The following SDK1 variants were observed in gnomAD, a reference collection of about 807,000 sequenced individuals.
The protein encoded by SDK1 is protein sidekick-1.
Under a neutral mutation model 245.5 loss-of-function variants are expected in SDK1, and 157 were observed. That is an observed-to-expected ratio of 0.64 (90% CI 0.56 to 0.73). The LOEUF is 0.73. Among genes scored for constraint, SDK1 ranks in the 30% least tolerant of loss-of-function variants. SDK1 has a pLI of 0.00. For missense variants in SDK1, 3,583 were observed against 3,002.3 expected, an observed-to-expected ratio of 1.19 and a Z score of -4.52; for synonymous variants, 1,647 against 1,278.5, an observed-to-expected ratio of 1.29 and a Z score of -6.15.
At chr7:3,653,299 CG>C (rs1421921547) in intron 4 of SDK1, among the ~76,000 whole-genome samples, 1 of 152,174 alleles carries the variant, frequency 6.6e-6, no homozygotes, top group African/African-American at 2.4e-5. Flanking sequence ...CCAGGGTCCA[CG>C]TGTAAGCTGT....
At chr7:3,415,663 G>T (rs533182023) in intron 1 of SDK1, among the ~76,000 whole-genome samples, 141 of 150,962 alleles carry the variant, frequency 9.3e-4, no homozygotes, top group Admixed American at 2.2e-3. Context: ...CCCTACTTCT[G>T]AGCTGCAAAC....
At chr7:4,186,513 C>G (rs117545003) in intron 35 of SDK1, among the ~76,000 whole-genome samples, 2 of 152,210 alleles carry the variant, frequency 1.3e-5, no homozygotes, top group Admixed American at 6.5e-5. Context: ...GTGGTTCCCT[C>G]GACCCTTAGC....
intron 4 of SDK1, among the ~76,000 whole-genome samples, chr7:3,687,814 TGTC>T (rs1784334723): frequency 1.3e-5 from 2 of 152,236 alleles, no homozygotes; most frequent in East Asian, 1.9e-4. Context: ...ACTGTGTTAA[TGTC>T]GTATCCTGCT....
intron 14 of SDK1, among the ~76,000 whole-genome samples, chr7:4,006,810 C>T (rs1785517495): frequency 6.6e-6 from 1 of 152,210 alleles, no homozygotes; most frequent in Non-Finnish European, 1.5e-5. Context: ...AACCAGGCAG[C>T]AGACTCTGAA....
At chr7:4,175,497 A>G (rs1180900223) in intron 33 of SDK1, among the ~76,000 whole-genome samples, 1 of 152,216 alleles carries the variant, frequency 6.6e-6, no homozygotes, top group African/African-American at 2.4e-5. Flanking sequence ...AAGTTGTGCC[A>G]AAAACTAGCA....
intron 17 of SDK1, among the ~76,000 whole-genome samples, chr7:4,045,639 C>T (rs4266542): frequency 6.6e-6 from 1 of 152,018 alleles, no homozygotes. Flanking sequence ...TGTTTAACTT[C>T]GTAAGAAAGC....
intron 4 of SDK1, among the ~76,000 whole-genome samples, chr7:3,669,225 G>C (rs375705073): frequency 6.6e-6 from 1 of 152,174 alleles, no homozygotes; most frequent in Non-Finnish European, 1.5e-5. Context: ...CAAATTATAA[G>C]AGCATGGAAA....
At chr7:3,972,164 C>G (rs763108041) in intron 12 of SDK1, among the ~76,000 whole-genome samples, 4 of 151,198 alleles carry the variant, frequency 2.6e-5, no homozygotes, top group Non-Finnish European at 4.4e-5. Context: ...ACTGCAAGCT[C>G]CACCTCCCGG....
chr7:3,677,386 A>G (rs900879898), intron 4 of SDK1, among the ~76,000 whole-genome samples: 1 of 152,234 alleles, frequency 6.6e-6, no homozygotes, highest in Admixed American at 6.5e-5. Flanking sequence ...TAATGGACTC[A>G]CAGTTCCACA....
chr7:4,080,050 A>C (rs1780955493), intron 22 of SDK1, among the ~76,000 whole-genome samples: 1 of 152,140 alleles, frequency 6.6e-6, no homozygotes, highest in Non-Finnish European at 1.5e-5. Flanking sequence ...AAGCTGGCTG[A>C]GTTTCTGCTG....
chr7:4,000,254 G>T (rs1357075716), intron 14 of SDK1, among the ~76,000 whole-genome samples: 1 of 152,304 alleles, frequency 6.6e-6, no homozygotes, highest in African/African-American at 2.4e-5. Context: ...ATGATGTTCT[G>T]GGGTTCAGGT....
chr7:4,178,552 C>T lies in SDK1; in HGVS notation c.5064C>T (p.Ala1688=). The T allele has an allele frequency of 1.2e-6, 2 of 1,613,342 alleles. No homozygotes were observed. Among genetic ancestry groups the T allele is most frequent in the African/African-American group, 1.3e-5 (1 of 75,072 alleles). The part of the protein sequence containing the change: ...TAYNIIGESP[A]SAPVEVFVGE... ...ATAACATCATCGGCGAGAGCCCAGC[C>T]AGCGCGCCCGTGGAGGTCTTTGTCG... Residue 1688 remains alanine (A), a synonymous_variant, in exon 35 of 45, where the codon GCC becomes GCT. Transcript: ENST00000404826.
intron 44 of SDK1, among the ~76,000 whole-genome samples, chr7:4,246,884 G>A (rs929373): frequency 0.27 from 41,301 of 152,068 alleles, 5,962 homozygotes; most frequent in African/African-American, 0.34. Flanking sequence ...CCTGTGCGGC[G>A]TGACCCAAAG....
intron 4 of SDK1, among the ~76,000 whole-genome samples, chr7:3,790,571 G>C (rs1781049866): frequency 6.6e-6 from 1 of 152,192 alleles, no homozygotes; most frequent in Admixed American, 6.5e-5. Flanking sequence ...ACTTTGGGAG[G>C]CTGAGGTGGG....
intron 5 of SDK1, among the ~76,000 whole-genome samples, chr7:3,938,562 C>T (rs183777791): frequency 9.1e-4 from 137 of 150,834 alleles, no homozygotes; most frequent in African/African-American, 3.2e-3. Flanking sequence ...AGGAGAATGG[C>T]GTGAACCTGG....
chr7:3,490,136 C>T (rs1781824867), intron 1 of SDK1, among the ~76,000 whole-genome samples: 1 of 152,178 alleles, frequency 6.6e-6, no homozygotes, highest in Non-Finnish European at 1.5e-5. Context: ...TTAAGTGAAA[C>T]TATGGACTAC....
chr7:4,121,711 A>G (rs1253217692), intron 25 of SDK1, among the ~76,000 whole-genome samples: 1 of 152,198 alleles, frequency 6.6e-6, no homozygotes, highest in Non-Finnish European at 1.5e-5. Context: ...TTTTCTGTTC[A>G]TAGTTCATGT....
At chr7:3,604,447 A>T (rs573544613) in intron 1 of SDK1, among the ~76,000 whole-genome samples, 2 of 152,154 alleles carry the variant, frequency 1.3e-5, no homozygotes, top group East Asian at 3.9e-4. Flanking sequence ...CCTCTTTCTA[A>T]TGTAAGCATT....
At chr7:3,654,993 G>C (rs561279991) in intron 4 of SDK1, among the ~76,000 whole-genome samples, 2 of 149,576 alleles carry the variant, frequency 1.3e-5, no homozygotes, top group East Asian at 3.9e-4. Context: ...CAGTTTTAAT[G>C]AACAATAAAT....
Sources: gnomAD v4.1 joint callset for allele counts (sites outside exome capture counted in the v4.1 genomes callset) on GRCh38, gnomAD v4.1.1 for gene constraint, MANE v1.5 for transcripts, NCBI Gene and HGNC (gene_info 2026-07-23, HGNC 2026-07-21) for gene names.